The following TOX variants were observed in gnomAD, a reference collection of about 807,000 sequenced individuals.
TOX encodes thymocyte selection-associated high mobility group box protein TOX.
TOX carries 11 observed loss-of-function variants against 53.7 expected under a neutral mutation model. The ratio of observed to expected loss-of-function variants is 0.20; its 90% CI spans 0.13 to 0.34. The LOEUF is 0.34. Ranked by LOEUF, TOX falls within the 10% of genes least tolerant of loss-of-function variation. The pLI is 1.00. For missense variants in TOX, 570 were observed against 664.6 expected, an observed-to-expected ratio of 0.86 and a Z score of 1.56; for synonymous variants, 225 against 245.3, an observed-to-expected ratio of 0.92 and a Z score of 0.77.
chr8:58,953,343 A>G (rs1045797412), intron 2 of TOX, among the ~76,000 whole-genome samples: 2 of 152,206 alleles, frequency 1.3e-5, no homozygotes, highest in African/African-American at 4.8e-5. Flanking sequence ...TCAAGATATA[A>G]TGCTGAAAAA....
intron 3 of TOX, among the ~76,000 whole-genome samples, chr8:58,883,498 T>C (rs1398723095): frequency 1.3e-5 from 2 of 152,202 alleles, no homozygotes; most frequent in Non-Finnish European, 2.9e-5. Flanking sequence ...ACAACGAAAC[T>C]TCATGTTACT....
chr8:58,964,319 C>T (rs988524892), intron 1 of TOX, among the ~76,000 whole-genome samples: 10 of 152,124 alleles, frequency 6.6e-5, no homozygotes, highest in African/African-American at 2.4e-4. Flanking sequence ...TCAGAATAGG[C>T]GTAGTCATTC....
chr8:58,897,531 A>G (rs1369742075), intron 3 of TOX, among the ~76,000 whole-genome samples: 1 of 152,168 alleles, frequency 6.6e-6, no homozygotes, highest in Non-Finnish European at 1.5e-5. Flanking sequence ...ACTAAAACTC[A>G]GTAATGTGTT....
At chr8:58,846,806 C>T (rs936465397) in intron 4 of TOX, among the ~76,000 whole-genome samples, 1 of 152,086 alleles carries the variant, frequency 6.6e-6, no homozygotes, top group Admixed American at 6.6e-5. Context: ...TTACCAAAAG[C>T]AAGATGTGTA....
intron 1 of TOX, among the ~76,000 whole-genome samples, chr8:59,089,306 C>T (rs767404200): frequency 9.9e-5 from 15 of 152,186 alleles, no homozygotes; most frequent in Admixed American, 7.2e-4. Context: ...GAATTTTCTT[C>T]AAGTCACTTC....
At chr8:58,910,876 G>T (rs937010278) in intron 3 of TOX, among the ~76,000 whole-genome samples, 28 of 152,162 alleles carry the variant, frequency 1.8e-4, no homozygotes, top group Admixed American at 6.5e-5. Context: ...TCAAAGAATA[G>T]TTGCAAAGGA....
At chr8:58,915,108 G>C (rs1370776981) in intron 3 of TOX, among the ~76,000 whole-genome samples, 1 of 150,676 alleles carries the variant, frequency 6.6e-6, no homozygotes, top group Non-Finnish European at 1.5e-5. Flanking sequence ...ACTGCAAGGC[G>C]GCAACGAGGC....
chr8:59,032,658 C>T (rs1479186145), intron 1 of TOX, among the ~76,000 whole-genome samples: 1 of 152,200 alleles, frequency 6.6e-6, no homozygotes, highest in African/African-American at 2.4e-5. Flanking sequence ...CACCATTTCA[C>T]TTAAAGCTCA....
At chr8:59,093,347 T>G (rs766715631) in intron 1 of TOX, among the ~76,000 whole-genome samples, 8 of 152,188 alleles carry the variant, frequency 5.3e-5, no homozygotes, top group Non-Finnish European at 8.8e-5. Context: ...TCAAGCAAAC[T>G]GTGTCTTGTT....
chr8:58,909,467 T>C (rs1199523851), intron 3 of TOX, among the ~76,000 whole-genome samples: 1 of 152,200 alleles, frequency 6.6e-6, no homozygotes, highest in Non-Finnish European at 1.5e-5. Context: ...TGGTGATTTG[T>C]ATGGACATTA....
Position 58,938,025 on chromosome 8 carries a change from G to T in TOX, c.411+1277C>A, listed in dbSNP as rs1157021230. Among the ~76,000 whole-genome samples the T allele has an allele frequency of 2.0e-5, 3 of 151,286 alleles. No homozygotes were observed. In the South Asian group the frequency reaches 6.3e-4, roughly 32 times the overall value. The stretch of plus-strand genomic sequence containing the variant: ...ACTCATAAGCTAAATCTATACAAGT[G>T]GAATATAATCTAAAAACCTGAGTGA... On this transcript the variant is annotated intron_variant, in intron 3 of 8. Transcript: ENST00000361421.
intron 4 of TOX, among the ~76,000 whole-genome samples, chr8:58,844,556 T>C (rs1810692492): frequency 6.6e-6 from 1 of 152,158 alleles, no homozygotes; most frequent in Non-Finnish European, 1.5e-5. Context: ...TTCACGTCCT[T>C]CATAGCATCG....
intron 1 of TOX, among the ~76,000 whole-genome samples, chr8:59,031,339 T>C (rs13250497): frequency 0.19 from 28,778 of 152,192 alleles, 2,838 homozygotes; most frequent in East Asian, 0.21. Flanking sequence ...CCAGTGCCCA[T>C]TGCAGGTGCC....
At chr8:59,109,937 AAG>A (rs1194754124) in intron 1 of TOX, among the ~76,000 whole-genome samples, 1 of 152,156 alleles carries the variant, frequency 6.6e-6, no homozygotes, top group Non-Finnish European at 1.5e-5. Context: ...AATTAAGTAA[AAG>A]TGTTCATGAA....
intron 7 of TOX, 50 bp downstream of exon 7, chr8:58,815,288 A>G: frequency 1.3e-6 from 2 of 1,524,680 alleles, no homozygotes; most frequent in South Asian, 2.6e-5. Context: ...CTCCACCACC[A>G]CACTTCAGAA....
At chr8:59,054,979 AGGG>A (rs1803865566) in intron 1 of TOX, among the ~76,000 whole-genome samples, 1 of 111,774 alleles carries the variant, frequency 8.9e-6, no homozygotes, top group African/African-American at 4.7e-5. Flanking sequence ...GAAGGGACGG[AGGG>A]AGGGAGGGAG....
chr8:58,853,792 C>T (rs556046174), intron 3 of TOX, among the ~76,000 whole-genome samples: 3 of 152,174 alleles, frequency 2.0e-5, no homozygotes, highest in Non-Finnish European at 4.4e-5. Flanking sequence ...GTACATGTAA[C>T]TTCTACAATC....
At chr8:58,998,557 T>TG (rs1360974284) in intron 1 of TOX, among the ~76,000 whole-genome samples, 2 of 140,028 alleles carry the variant, frequency 1.4e-5, no homozygotes, top group African/African-American at 5.4e-5. Context: ...ATATAATAAA[T>TG]TTATGTAATA....
intron 1 of TOX, among the ~76,000 whole-genome samples, chr8:59,004,540 T>C (rs1053641064): frequency 1.7e-4 from 26 of 152,234 alleles, no homozygotes; most frequent in African/African-American, 6.0e-4. Context: ...TAATTAGGGA[T>C]CTATATTCTA....
Sources: allele counts gnomAD v4.1 joint callset (sites outside exome capture counted in the v4.1 genomes callset), GRCh38; gene constraint gnomAD v4.1.1; transcripts MANE v1.5; gene names NCBI Gene and HGNC (gene_info 2026-07-23, HGNC 2026-07-21).